BICC1: variants seen among roughly 807,000 people sequenced by gnomAD.
The protein encoded by BICC1 is protein bicaudal C homolog 1.
In BICC1, 43 loss-of-function variants were observed where a neutral mutation model predicts 111.0. The observed-to-expected ratio is 0.39, with a 90% CI of 0.30 to 0.50. The LOEUF is 0.50. BICC1 is among the 20% of genes least tolerant of loss of function. The pLI, the probability that BICC1 is intolerant of heterozygous loss-of-function variation, is 0.88. For missense variants in BICC1, 1,091 were observed against 1,203.2 expected (o/e 0.91, Z 1.38); for synonymous variants, 467 against 434.4 (o/e 1.07, Z -0.93).
intron 1 of BICC1, among the ~76,000 whole-genome samples, chr10:58,519,884 A>C (rs2132509403): frequency 6.6e-6 from 1 of 152,188 alleles, no homozygotes; most frequent in East Asian, 1.9e-4. Flanking sequence ...TACAATAAAA[A>C]TGCTTATTTC....
intron 1 of BICC1, among the ~76,000 whole-genome samples, chr10:58,552,143 A>G (rs1843311795): frequency 6.6e-6 from 1 of 151,624 alleles, no homozygotes; most frequent in South Asian, 2.1e-4. Flanking sequence ...TGGATGGGAA[A>G]GAGTTCACTC....
At chr10:58,550,985 T>G (rs1359488889) in intron 1 of BICC1, among the ~76,000 whole-genome samples, 1 of 152,340 alleles carries the variant, frequency 6.6e-6, no homozygotes, top group African/African-American at 2.4e-5. Context: ...TTCCACATCC[T>G]GTTTGTTTTT....
chr10:58,799,052 G>C lies in BICC1; in HGVS notation c.1529-4G>C. The C allele has an allele frequency of 1.3e-6, 2 of 1,556,344 alleles. No individual in the cohort carries two copies. Among genetic ancestry groups the C allele is most frequent in the Non-Finnish European group, 8.7e-7 (1 of 1,142,956 alleles). Reference sequence around the variant, plus strand: ...ATATCTGTCATCATAAAATGTTGTTGTAGGTTTTTCTGCTATACCACACCT... The same window carrying C: ...ATATCTGTCATCATAAAATGTTGTTCTAGGTTTTTCTGCTATACCACACCT... On this transcript the variant is annotated splice_polypyrimidine_tract_variant and splice_region_variant and intron_variant, in intron 11 of 20. Coordinates refer to ENST00000373886, the MANE Select transcript of BICC1 (RefSeq NM_001080512.3).
At chr10:58,766,073 C>A (rs1842447444) in intron 3 of BICC1, among the ~76,000 whole-genome samples, 1 of 152,180 alleles carries the variant, frequency 6.6e-6, no homozygotes, top group Admixed American at 6.5e-5. Flanking sequence ...CACTTCAGTT[C>A]TTCGTCACCC....
chr10:58,686,120 A>G (rs1406777554), intron 2 of BICC1, among the ~76,000 whole-genome samples: 1 of 152,158 alleles, frequency 6.6e-6, no homozygotes, highest in Non-Finnish European at 1.5e-5. Flanking sequence ...TCCTTCACTT[A>G]TGAAGCTTAG....
chr10:58,758,212 C>T (rs904414702), intron 3 of BICC1, among the ~76,000 whole-genome samples: 6 of 152,114 alleles, frequency 3.9e-5, no homozygotes, highest in African/African-American at 1.4e-4. Flanking sequence ...TTCATATAAA[C>T]ACTTACAGAA....
intron 2 of BICC1, among the ~76,000 whole-genome samples, chr10:58,649,724 G>T (rs1169668239): frequency 6.6e-6 from 1 of 152,078 alleles, no homozygotes; most frequent in African/African-American, 2.4e-5. Flanking sequence ...AATCTCTATT[G>T]GTACTATTCC....
intron 2 of BICC1, among the ~76,000 whole-genome samples, chr10:58,645,176 G>A (rs561789877): frequency 6.6e-6 from 1 of 152,136 alleles, no homozygotes; most frequent in Admixed American, 6.5e-5. Flanking sequence ...TTGGGAGACC[G>A]AGGTGGGTGG....
chr10:58,820,557 C>A (rs962740633), intron 20 of BICC1, 89 bp downstream of exon 20: 2 of 899,434 alleles, frequency 2.2e-6, no homozygotes, highest in Non-Finnish European at 3.6e-6. Flanking sequence ...CCATTAACTG[C>A]TGGCTTACTA....
intron 1 of BICC1, among the ~76,000 whole-genome samples, chr10:58,602,519 T>C (rs1845073849): frequency 1.3e-5 from 2 of 152,196 alleles, no homozygotes; most frequent in African/African-American, 4.8e-5. Context: ...GAATAAATTA[T>C]AATCAGATGT....
chr10:58,647,589 A>G (rs2132236284), intron 2 of BICC1, among the ~76,000 whole-genome samples: 1 of 152,312 alleles, frequency 6.6e-6, no homozygotes, highest in African/African-American at 2.4e-5. Context: ...CCACACTCCT[A>G]AAAACCATCA....
intron 1 of BICC1, among the ~76,000 whole-genome samples, chr10:58,561,678 G>A (rs1373282710): frequency 1.3e-5 from 2 of 151,896 alleles, no homozygotes; most frequent in Non-Finnish European, 2.9e-5. Flanking sequence ...TGTAGTGATA[G>A]GGTTTGATTC....
At chr10:58,579,188 G>C (rs1473278133) in intron 1 of BICC1, among the ~76,000 whole-genome samples, 2 of 152,112 alleles carry the variant, frequency 1.3e-5, no homozygotes. Context: ...CTGTCACCTT[G>C]GGTCAGTTGT....
At chr10:58,609,754 CTCTATAGGAAGA>C in intron 1 of BICC1, among the ~76,000 whole-genome samples, 1 of 152,310 alleles carries the variant, frequency 6.6e-6, no homozygotes, top group East Asian at 1.9e-4. Context: ...GATGGCGTAG[CTCTATAGGAAGA>C]TCAGCATAAG....
chr10:58,700,695 C>T (rs1263643463), intron 2 of BICC1, among the ~76,000 whole-genome samples: 3 of 152,018 alleles, frequency 2.0e-5, no homozygotes, highest in African/African-American at 7.3e-5. Flanking sequence ...CAGTACAATG[C>T]CATGATGATG....
chr10:58,757,601 C>T (rs1181018243), intron 3 of BICC1, among the ~76,000 whole-genome samples: 6 of 151,950 alleles, frequency 3.9e-5, no homozygotes, highest in Non-Finnish European at 5.9e-5. Flanking sequence ...AGATTGAGTC[C>T]GTAAAAAGGG....
At chr10:58,761,791 A>G (rs966293131) in intron 3 of BICC1, among the ~76,000 whole-genome samples, 1 of 152,200 alleles carries the variant, frequency 6.6e-6, no homozygotes, top group Non-Finnish European at 1.5e-5. Flanking sequence ...TTATCTTTAG[A>G]GGTCTAGAAA....
intron 3 of BICC1, among the ~76,000 whole-genome samples, chr10:58,711,519 C>T (rs80298483): frequency 0.02 from 3,043 of 152,288 alleles, 103 homozygotes; most frequent in African/African-American, 0.07. Flanking sequence ...AGACATACAG[C>T]GCACACATCA....
intron 3 of BICC1, among the ~76,000 whole-genome samples, chr10:58,782,083 C>A (rs1842897912): frequency 6.6e-6 from 1 of 152,120 alleles, no homozygotes; most frequent in Admixed American, 6.6e-5. Context: ...CTAGATGGTG[C>A]CCTTTCACTT....
Sources: allele counts gnomAD v4.1 joint callset (sites outside exome capture counted in the v4.1 genomes callset), GRCh38; gene constraint gnomAD v4.1.1; transcripts MANE v1.5; gene names NCBI Gene and HGNC (gene_info 2026-07-23, HGNC 2026-07-21).